The following ATP8A1 variants were observed in gnomAD, a reference collection of about 807,000 sequenced individuals.
ATP8A1 encodes ATPase phospholipid transporting 8A1.
Under a neutral mutation model 177.7 loss-of-function variants are expected in ATP8A1, and 90 were observed. The ratio of observed to expected loss-of-function variants is 0.51; its 90% CI spans 0.43 to 0.60. The LOEUF (loss-of-function observed/expected upper bound fraction) is 0.60, where lower values mean the gene tolerates loss of function less well. Ranked by LOEUF, ATP8A1 falls within the 20% of genes least tolerant of loss-of-function variation. The probability of loss-of-function intolerance (pLI) is 0.00; values close to 1 mark genes in which losing one functional copy is unlikely to be tolerated. For synonymous variants in ATP8A1, 493 were observed against 485.9 expected, an observed-to-expected ratio of 1.01 and a Z score of -0.19; for missense variants, 1,072 against 1,392.8, an observed-to-expected ratio of 0.77 and a Z score of 3.67.
At chr4:42,540,506 A>G (rs1200794192) in intron 20 of ATP8A1, among the ~76,000 whole-genome samples, 1 of 152,114 alleles carries the variant, frequency 6.6e-6, no homozygotes, top group East Asian at 1.9e-4. Context: ...TATTCACAAT[A>G]GCAAAGATAT....
chr4:42,463,508 C>T (rs574338719), intron 27 of ATP8A1, among the ~76,000 whole-genome samples: 2 of 152,284 alleles, frequency 1.3e-5, no homozygotes, highest in African/African-American at 4.8e-5. Flanking sequence ...TTGTAAATTG[C>T]CCAGCCTTGG....
chr4:42,477,595 G>A (rs1721211382), intron 25 of ATP8A1, among the ~76,000 whole-genome samples: 1 of 152,176 alleles, frequency 6.6e-6, no homozygotes, highest in Non-Finnish European at 1.5e-5. Context: ...CAAAGATTTG[G>A]AGGAAACCTC....
At chr4:42,597,306 G>T (rs1734815808) in intron 6 of ATP8A1, among the ~76,000 whole-genome samples, 1 of 152,168 alleles carries the variant, frequency 6.6e-6, no homozygotes, top group African/African-American at 2.4e-5. Context: ...ATCATATAAG[G>T]CAAAGAAAAG....
At chr4:42,584,146 C>G (rs1733386805) in intron 9 of ATP8A1, among the ~76,000 whole-genome samples, 1 of 152,070 alleles carries the variant, frequency 6.6e-6, no homozygotes, top group Non-Finnish European at 1.5e-5. Flanking sequence ...ATGAAAACAC[C>G]AAAAACATTC....
At chr4:42,466,031 CAAA>C (rs57949092) in intron 25 of ATP8A1, among the ~76,000 whole-genome samples, 1 of 108,100 alleles carries the variant, frequency 9.3e-6, no homozygotes, top group Non-Finnish European at 1.8e-5. Flanking sequence ...GACTCCGTCT[CAAA>C]AAAAAAAAAA....
intron 20 of ATP8A1, among the ~76,000 whole-genome samples, chr4:42,534,531 C>G (rs369526842): frequency 4.6e-5 from 7 of 152,058 alleles, no homozygotes; most frequent in African/African-American, 1.7e-4. Flanking sequence ...ACGACCAAAC[C>G]TAAGAATAAT....
At chr4:42,427,019 A>G (rs953948590) in intron 33 of ATP8A1, among the ~76,000 whole-genome samples, 1 of 152,248 alleles carries the variant, frequency 6.6e-6, no homozygotes, top group Admixed American at 6.5e-5. Flanking sequence ...GGAGTGCAGT[A>G]AGAGAAATGA....
At chr4:42,600,358 A>T in intron 6 of ATP8A1, 120 bp downstream of exon 6, 1 of 654,228 alleles carries the variant, frequency 1.5e-6, no homozygotes, top group Non-Finnish European at 2.3e-6. Flanking sequence ...TTATATTACT[A>T]AATAGCTTTT....
In ATP8A1 at chr4:42,412,631, T is replaced by C. The variant is rs1712744249; in HGVS notation, c.*285A>G. ...GTAATGGCATAAGAATACTGACTTA[T>C]TCTCCGTTTAAGAAAGCCCTCTGGC... On this transcript the variant is annotated 3_prime_UTR_variant, in exon 37 of 37. Coordinates refer to ENST00000381668, the MANE Select transcript of ATP8A1 (RefSeq NM_006095.2). The C allele has an allele frequency of 3.6e-6, 1 of 278,416 alleles. No homozygotes were observed. Among genetic ancestry groups the C allele is most frequent in the Non-Finnish European group, 6.7e-6 (1 of 148,190 alleles). The allele number at this position is 278,416 out of a possible 1,614,324, so 17.2% of individuals were successfully genotyped here.
chr4:42,567,314 G>A (rs1032148546), intron 15 of ATP8A1, among the ~76,000 whole-genome samples: 4 of 152,248 alleles, frequency 2.6e-5, no homozygotes, highest in East Asian at 3.9e-4. Context: ...TGAGGCGGGC[G>A]GATAACCTGA....
intron 9 of ATP8A1, among the ~76,000 whole-genome samples, chr4:42,584,505 T>C (rs2109351965): frequency 6.6e-6 from 1 of 152,364 alleles, no homozygotes; most frequent in South Asian, 2.1e-4. Context: ...CTCATTGTAC[T>C]TGACCATCAG....
At chr4:42,653,340 T>TTG (rs138048792) in intron 1 of ATP8A1, among the ~76,000 whole-genome samples, 1 of 151,892 alleles carries the variant, frequency 6.6e-6, no homozygotes, top group African/African-American at 2.4e-5. Flanking sequence ...TTTGTGTGTG[T>TTG]TTTGTCTCCT....
intron 22 of ATP8A1, among the ~76,000 whole-genome samples, chr4:42,508,865 G>T (rs544778158): frequency 6.6e-6 from 1 of 152,332 alleles, no homozygotes; most frequent in African/African-American, 2.4e-5. Context: ...TGATAACAAA[G>T]AAAGCCATTT....
At chr4:42,634,472 C>T (rs1577744114) in intron 1 of ATP8A1, among the ~76,000 whole-genome samples, 1 of 152,120 alleles carries the variant, frequency 6.6e-6, no homozygotes, top group South Asian at 2.1e-4. Flanking sequence ...CTCTTTACAG[C>T]CAAACAACCC....
At chr4:42,634,039 T>C (rs543086336) in intron 1 of ATP8A1, among the ~76,000 whole-genome samples, 1 of 152,280 alleles carries the variant, frequency 6.6e-6, no homozygotes, top group Admixed American at 6.5e-5. Context: ...ACAGCCTGAA[T>C]TTATATTCTT....
intron 15 of ATP8A1, among the ~76,000 whole-genome samples, chr4:42,556,427 A>G (rs1258318627): frequency 1.3e-5 from 2 of 152,180 alleles, no homozygotes; most frequent in African/African-American, 2.4e-5. Context: ...AAGCTATTAT[A>G]CAAAATATTC....
Position 42,524,805 on chromosome 4 carries a change from T to C in ATP8A1, c.1765A>G (p.Lys589Glu). 6.2e-7 allele frequency: 1 copy of C among 1,610,942 alleles called. No homozygotes were observed. The highest frequency in any genetic ancestry group is 8.5e-7 in the Non-Finnish European group (1 of 1,178,734). ...TCTAAATGTTTTAGGGTAATTTCTTTGTATTTTGACGTCTCTGCCAGTCGA... is the reference window on the plus strand; with the variant it reads ...TCTAAATGTTTTAGGGTAATTTCTTCGTATTTTGACGTCTCTGCCAGTCGA... ...YDRLAETSKY[K>E]EITLKHLEQF... The change falls in exon 21 of 37, where the codon AAA becomes GAA. Residue 589 changes from lysine to glutamate, a missense_variant. Transcript: ENST00000381668.
intron 1 of ATP8A1, among the ~76,000 whole-genome samples, chr4:42,636,140 AC>A (rs1197797958): frequency 0.084 from 3,212 of 38,196 alleles, 155 homozygotes; most frequent in African/African-American, 0.19. Context: ...ACACACACAC[AC>A]ACACACACAC....
chr4:42,443,495 C>A (rs1273799712), intron 33 of ATP8A1, 70 bp downstream of exon 33: 6 of 700,552 alleles, frequency 8.6e-6, no homozygotes, highest in Admixed American at 2.2e-5. Flanking sequence ...TTATGCTAAA[C>A]GATTAAGGTT....
Sources: gnomAD v4.1 joint callset for allele counts (sites outside exome capture counted in the v4.1 genomes callset) on GRCh38, gnomAD v4.1.1 for gene constraint, MANE v1.5 for transcripts, NCBI Gene and HGNC (gene_info 2026-07-23, HGNC 2026-07-21) for gene names.